CDYL2: variants seen among roughly 807,000 people sequenced by gnomAD.
The protein encoded by CDYL2 is chromodomain Y-like protein 2.
CDYL2 carries 23 observed loss-of-function variants against 49.4 expected under a neutral mutation model. The observed-to-expected ratio is 0.47, with a 90% CI of 0.34 to 0.66. The LOEUF (loss-of-function observed/expected upper bound fraction) is 0.66. Among genes scored for constraint, CDYL2 ranks in the 30% least tolerant of loss-of-function variants. The pLI, the probability that CDYL2 is intolerant of heterozygous loss-of-function variation, is 0.01. For synonymous variants in CDYL2, 360 were observed against 268.8 expected, an observed-to-expected ratio of 1.34 and a Z score of -3.32; for missense variants, 678 against 656.4, an observed-to-expected ratio of 1.03 and a Z score of -0.36.
chr16:80,633,641 G>A (rs573889737), intron 2 of CDYL2, among the ~76,000 whole-genome samples: 3 of 152,172 alleles, frequency 2.0e-5, no homozygotes, highest in African/African-American at 4.8e-5. Flanking sequence ...CCCGTATTAT[G>A]TGCTAAGCAC....
At chr16:80,683,770 G>A (rs139933441) in intron 2 of CDYL2, among the ~76,000 whole-genome samples, 13 of 152,272 alleles carry the variant, frequency 8.5e-5, no homozygotes, top group Non-Finnish European at 1.6e-4. Flanking sequence ...GCTGATGGGC[G>A]CTGCCTTGCC....
intron 1 of CDYL2, among the ~76,000 whole-genome samples, chr16:80,740,361 T>C (rs902857398): frequency 2.0e-5 from 3 of 152,282 alleles, no homozygotes; most frequent in East Asian, 3.9e-4. Flanking sequence ...GCCAGACATA[T>C]GAACAGACAT....
intron 3 of CDYL2, among the ~76,000 whole-genome samples, chr16:80,629,859 C>T (rs1177992821): frequency 3.3e-5 from 5 of 152,204 alleles, no homozygotes. Flanking sequence ...GCCTCTGCTT[C>T]CCATTAACAA....
At chr16:80,683,852 G>C (rs1910066174) in intron 2 of CDYL2, among the ~76,000 whole-genome samples, 1 of 152,180 alleles carries the variant, frequency 6.6e-6, no homozygotes, top group Non-Finnish European at 1.5e-5. Context: ...AGCATCTGCT[G>C]GTGCCTTCAT....
At chr16:80,754,730 G>C (rs1199983598) in intron 1 of CDYL2, among the ~76,000 whole-genome samples, 1 of 152,216 alleles carries the variant, frequency 6.6e-6, no homozygotes, top group Non-Finnish European at 1.5e-5. Context: ...ACCTGGCATA[G>C]AGCATGAGCT....
At chr16:80,731,255 C>A (rs1174782879) in intron 1 of CDYL2, among the ~76,000 whole-genome samples, 4 of 150,992 alleles carry the variant, frequency 2.6e-5, no homozygotes, top group Non-Finnish European at 5.9e-5. Flanking sequence ...AAAACATCAG[C>A]GCAAAAGCAG....
Position 80,745,602 on chromosome 16 carries a change from A to G in CDYL2, c.24+58548T>C, listed in dbSNP as rs909712102. ...TGATGGCTGTGTACTGTAGGAACAC[A>G]GTGAGTAAACGTCAGCTGTTATAAT... On this transcript the variant is annotated intron_variant, in intron 1 of 6. Coordinates refer to ENST00000570137, the MANE Select transcript of CDYL2 (RefSeq NM_152342.4). 2.6e-5 allele frequency among the ~76,000 whole-genome samples: 4 copies of G among 152,242 alleles called. No individual in the cohort carries two copies. In the East Asian group the frequency reaches 7.7e-4, roughly 29 times the overall value.
chr16:80,617,654 T>C (rs1906891328), intron 4 of CDYL2, among the ~76,000 whole-genome samples: 1 of 152,090 alleles, frequency 6.6e-6, no homozygotes, highest in Non-Finnish European at 1.5e-5. Flanking sequence ...AGCCACAGTC[T>C]CTTTCTAACC....
At chr16:80,640,801 T>C (rs1266673524) in intron 2 of CDYL2, among the ~76,000 whole-genome samples, 3 of 152,136 alleles carry the variant, frequency 2.0e-5, no homozygotes, top group Non-Finnish European at 4.4e-5. Context: ...AAAGCGTAAC[T>C]GGCATAGTGA....
chr16:80,668,805 A>G (rs1026636750), intron 2 of CDYL2, among the ~76,000 whole-genome samples: 2 of 152,092 alleles, frequency 1.3e-5, no homozygotes, highest in African/African-American at 4.8e-5. Context: ...AGGCTGAGGC[A>G]GGACAACCAC....
chr16:80,607,461 C>T (rs1407688324), intron 6 of CDYL2, among the ~76,000 whole-genome samples: 2 of 152,226 alleles, frequency 1.3e-5, no homozygotes, highest in East Asian at 3.8e-4. Context: ...CCCAAAATGC[C>T]TCTCTCAGCT....
chr16:80,609,072 T>C (rs111984446), intron 5 of CDYL2, among the ~76,000 whole-genome samples: 2,049 of 152,294 alleles, frequency 0.013, 45 homozygotes, highest in African/African-American at 0.047. Flanking sequence ...GAGAGCAATC[T>C]TCCCTGGGGT....
At chr16:80,804,606 T>G (rs1908043602), upstream of CDYL2, among the ~76,000 whole-genome samples, 1 of 141,670 alleles carries the variant, frequency 7.1e-6, no homozygotes, top group African/African-American at 2.6e-5. Flanking sequence ...ACTGGGCGAG[T>G]CCCCGCCCCC....
chr16:80,781,810 G>GA (rs373478526), intron 1 of CDYL2, among the ~76,000 whole-genome samples: 1 of 151,754 alleles, frequency 6.6e-6, no homozygotes, highest in African/African-American at 2.4e-5. Context: ...ATGTGTCAAA[G>GA]AAAAAAATCA....
rs145308954 is a variant in CDYL2 at position 80,620,903 on chromosome 16, G to A, written c.867C>T (p.Asn289=). 4.2e-4 allele frequency: 670 copies of A among 1,608,498 alleles called. No homozygotes were observed. The highest frequency in any genetic ancestry group is 5.4e-4 in the Non-Finnish European group (638 of 1,176,448). ...GCAGTTTGCTGTCGTCTGTGGCTGC[G>A]TTGCAGAGCGCTCGCCGGACTTCTT... is the stretch of plus-strand genomic sequence containing the variant. ...IMKEVRRALC[N]AATDDSKLLL... The change falls in exon 4 of 7, where the codon AAC becomes AAT. Residue 289 remains asparagine (N), a synonymous_variant. Coordinates refer to ENST00000570137, the MANE Select transcript of CDYL2 (RefSeq NM_152342.4).
chr16:80,737,786 C>T (rs1232106276), intron 1 of CDYL2, among the ~76,000 whole-genome samples: 1 of 152,212 alleles, frequency 6.6e-6, no homozygotes, highest in Non-Finnish European at 1.5e-5. Flanking sequence ...CTGGGAACCA[C>T]ACTTTGAGAA....
rs572717710 is a variant in CDYL2, at chr16:80,670,883, G to C, written c.616+13655C>G. 3.1e-4 allele frequency: 143 copies of C among 455,654 alleles called. 1 individual carries two copies. The highest frequency in any genetic ancestry group is 2.2e-3 in the South Asian group (141 of 64,528). The allele number at this position is 455,654 out of a possible 1,614,324, so 28.2% of individuals were successfully genotyped here. Reference sequence around the variant, plus strand: ...TCTATACACAGCATAGTCAGGTTGCGCACGAGGAAGATAAAAGGGGCTCTA... The same window carrying C: ...TCTATACACAGCATAGTCAGGTTGCCCACGAGGAAGATAAAAGGGGCTCTA... On this transcript the variant is annotated intron_variant, in intron 2 of 6. Transcript: ENST00000570137.
chr16:80,631,601 A>G (rs1237531499), intron 3 of CDYL2, among the ~76,000 whole-genome samples: 1 of 152,262 alleles, frequency 6.6e-6, no homozygotes, highest in African/African-American at 2.4e-5. Context: ...CTATCAAAAA[A>G]GTAAAACATC....
chr16:80,742,922 G>A (rs1244254265), intron 1 of CDYL2, among the ~76,000 whole-genome samples: 1 of 149,688 alleles, frequency 6.7e-6, no homozygotes, highest in African/African-American at 2.5e-5. Flanking sequence ...TGGATGGATG[G>A]ATGAATAAAT....
Sources: allele counts gnomAD v4.1 joint callset (sites outside exome capture counted in the v4.1 genomes callset), GRCh38; gene constraint gnomAD v4.1.1; transcripts MANE v1.5; gene names NCBI Gene and HGNC (gene_info 2026-07-23, HGNC 2026-07-21).